Variants in PAPLN observed in about 807,000 individuals in gnomAD.
The protein encoded by PAPLN is papilin, proteoglycan like sulfated glycoprotein, also known as papilin.
Under a neutral mutation model 159.0 loss-of-function variants are expected in PAPLN, and 146 were observed. The observed-to-expected ratio is 0.92, with a 90% confidence interval of 0.80 to 1.05. The LOEUF (loss-of-function observed/expected upper bound fraction) is 1.05, where lower values mean the gene tolerates loss of function less well. Ranked by LOEUF, PAPLN falls within the 50% of genes least tolerant of loss-of-function variation. The pLI is 0.00. For synonymous variants in PAPLN, 734 were observed against 702.9 expected, an observed-to-expected ratio of 1.04 and a Z score of -0.70; for missense variants, 1,720 against 1,743.9, an observed-to-expected ratio of 0.99 and a Z score of 0.24.
chr14:73,265,227 A>C lies in PAPLN; in HGVS notation c.3126-143A>C. Reference sequence around the variant, plus strand: ...CCCAGGTAGTTATTGACCATTTCCTAACCAGAACAAGGCAGGGGATTTTAG... The same window carrying C: ...CCCAGGTAGTTATTGACCATTTCCTCACCAGAACAAGGCAGGGGATTTTAG... On this transcript the variant is annotated intron_variant, in intron 22 of 26. Transcript: ENST00000644200. The surrounding 1 kb of genome is among the most constrained non-coding windows in gnomAD (Gnocchi z 4.1). 1.5e-6 allele frequency: 2 copies of C among 1,347,166 alleles called. No individual in the cohort carries two copies. Among genetic ancestry groups the C allele is most frequent in the Non-Finnish European group, 2.0e-6 (2 of 1,005,090 alleles). The allele number at this position is 1,347,166 out of a possible 1,614,324, so 83.5% of individuals were successfully genotyped here. A position where few individuals can be genotyped will look rare whatever the true frequency, so the allele number is the denominator to read the frequency against.
At chr14:73,271,424 C>G (rs1887707374) in intron 26 of PAPLN, among the ~76,000 whole-genome samples, 2 of 151,944 alleles carry the variant, frequency 1.3e-5, no homozygotes, top group African/African-American at 4.8e-5. Flanking sequence ...GGTCTGACTT[C>G]AGGGAAGGTA....
intron 20 of PAPLN, 172 bp downstream of exon 20, chr14:73,263,954 G>GC (rs1159296779): frequency 2.9e-6 from 4 of 1,400,676 alleles, no homozygotes; most frequent in Middle Eastern, 1.8e-4. Context: ...GTGTGTGACG[G>GC]CCCCCCGACC....
Position 73,265,619 on chromosome 14 carries a change from C to T in PAPLN, c.3263+112C>T, listed in dbSNP as rs569183499. 39 of 1,466,120 alleles carry T rather than the reference C, an allele frequency of 2.7e-5. No individual in the cohort carries two copies. In the Middle Eastern group the frequency reaches 5.7e-4, roughly 22 times the overall value. 90.8% of individuals were successfully genotyped at this position (1,466,120 alleles called of 1,614,324 possible). A position where few individuals can be genotyped will look rare whatever the true frequency, so the allele number is the denominator to read the frequency against. On this transcript the variant is annotated intron_variant, in intron 23 of 26. Coordinates refer to ENST00000644200, the MANE Select transcript of PAPLN (RefSeq NM_001365906.3). This position sits in a 1 kb window ranked among gnomAD's most constrained non-coding sequence, Gnocchi z 4.1. ...CGCATGGTCATGGCCAGTCCTGAGC[C>T]GGACTCCAGGGCCTCTTGAGAGATG...
In PAPLN at chr14:73,265,343, T is replaced by A; in HGVS notation, c.3126-27T>A. 1.9e-6 allele frequency: 3 copies of A among 1,602,206 alleles called. No homozygotes were observed. The highest frequency in any genetic ancestry group is 2.5e-6 in the Non-Finnish European group (3 of 1,177,408). On this transcript the variant is annotated intron_variant, in intron 22 of 26. Coordinates refer to ENST00000644200, the MANE Select transcript of PAPLN (RefSeq NM_001365906.3). The surrounding 1 kb of genome is among the most constrained non-coding windows in gnomAD (Gnocchi z 4.1). ...AGGCGGGGGCAACGGCAAGGGCCCC[T>A]CATGCTGTGGGCTGCTTGTTTGGCA...
intron 26 of PAPLN, 114 bp downstream of exon 26, chr14:73,268,837 C>T (rs1488387352): frequency 2.1e-5 from 27 of 1,282,448 alleles, no homozygotes; most frequent in Non-Finnish European, 2.7e-5. Flanking sequence ...GCTCACCCTG[C>T]CAGTTGCTGG....
At chr14:73,248,249 A>ATGTGTGTGTGTG (rs376447361) in intron 5 of PAPLN, among the ~76,000 whole-genome samples, 31 of 76,936 alleles carry the variant, frequency 4.0e-4, no homozygotes, top group African/African-American at 1.6e-3. Flanking sequence ...CATATCCTCT[A>ATGTGTGTGTGTG]TGTGTGTGTG....
Position 73,253,951 on chromosome 14 carries a change from C to T in PAPLN, c.1292C>T (p.Pro431Leu), listed in dbSNP as rs749340288. 28 of 1,610,766 alleles carry T rather than the reference C, an allele frequency of 1.7e-5. No homozygotes were observed. The highest frequency in any genetic ancestry group is 2.2e-5 in the Non-Finnish European group (26 of 1,179,416). The change falls in exon 12 of 27, where the codon CCC becomes CTC. Residue 431 changes from proline (P) to leucine (L), a missense_variant. By Grantham distance (98) the Pro-to-Leu change is moderately conservative (BLOSUM62 -3). Coordinates refer to ENST00000644200, the MANE Select transcript of PAPLN (RefSeq NM_001365906.3). ...LQRCAAWSPE[P>L]WGECSVSCGV... is the part of the protein sequence containing the mutation. ...CGCTGTGCAGCCTGGAGCCCGGAGCCCTGGGGAGAGGTCAGGCCCCTGGCC... is the reference window on the plus strand; with the variant it reads ...CGCTGTGCAGCCTGGAGCCCGGAGCTCTGGGGAGAGGTCAGGCCCCTGGCC...
chr14:73,246,184 G>A lies in PAPLN; in HGVS notation c.334+9G>A, dbSNP rs1208824880. 8 of 1,567,414 alleles carry A rather than the reference G, an allele frequency of 5.1e-6. No individual in the cohort carries two copies. The Admixed American group carries it at 7.7e-5, about 15-fold the overall frequency. On this transcript the variant is annotated intron_variant, in intron 5 of 26. Coordinates refer to ENST00000644200, the MANE Select transcript of PAPLN (RefSeq NM_001365906.3). ...GCTGCCCTACTACAGCGGTGAGCGC[G>A]GCCGGGACTCGCTCTCTCGGGGCCT...
intron 1 of PAPLN, chr14:73,239,494 G>A: frequency 2.2e-6 from 1 of 452,802 alleles, no homozygotes; most frequent in South Asian, 4.2e-5. Flanking sequence ...ATTTTTAATT[G>A]CTCTCTCTTT....
rs1408437043 is a variant in PAPLN at position 73,264,270 on chromosome 14, G to A, written c.2921G>A (p.Gly974Asp). The part of the protein sequence containing the change: ...IIHPLQAEDA[G>D]TYSCGSTRPG... ...CACCCCCTGCAGGCAGAGGACGCGGGCACCTACAGCTGTGGCAGCACCCGG... is the reference window on the plus strand; with the variant it reads ...CACCCCCTGCAGGCAGAGGACGCGGACACCTACAGCTGTGGCAGCACCCGG... The change falls in exon 21 of 27, where the codon GGC becomes GAC. Residue 974 changes from glycine (G) to aspartate (D), a missense_variant. Transcript: ENST00000644200. The A allele has an allele frequency of 8.7e-6, 14 of 1,613,942 alleles. No individual in the cohort carries two copies. Among genetic ancestry groups the A allele is most frequent in the Non-Finnish European group, 1.2e-5 (14 of 1,180,004 alleles).
At position 73,262,570 on chromosome 14, in the gene PAPLN, C is replaced by T; in HGVS notation, c.2466C>T (p.Ser822=). The T allele has an allele frequency of 6.4e-7, 1 of 1,566,044 alleles. No individual in the cohort carries two copies. The change falls in exon 19 of 27, where the codon AGC becomes AGT. Residue 822 remains serine, a synonymous_variant. Coordinates refer to ENST00000644200, the MANE Select transcript of PAPLN (RefSeq NM_001365906.3). The stretch of plus-strand genomic sequence containing the variant: ...CCCAGCCTGGGGCTTCTGGAAGGAG[C>T]ACCCACACGGATGGTGGCGGCAGCA... ...RRPQPGASGR[S]THTDGGGSSP...
intron 1 of PAPLN, among the ~76,000 whole-genome samples, chr14:73,238,130 G>A (rs947845563): frequency 1.3e-5 from 2 of 152,214 alleles, no homozygotes; most frequent in Non-Finnish European, 2.9e-5. Context: ...GTGGGCGGGG[G>A]CCACGGGGAC....
Position 73,245,825 on chromosome 14 carries a change from C to T in PAPLN, c.231+129C>T, listed in dbSNP as rs2140195507. 1.6e-6 allele frequency: 2 copies of T among 1,236,172 alleles called. No individual in the cohort carries two copies. The highest frequency in any genetic ancestry group is 1.5e-5 in the African/African-American group (1 of 66,794). 76.6% of individuals were successfully genotyped at this position (1,236,172 alleles called of 1,614,324 possible). ...CCAGCCTGGGGTCCTCCCGCCAATC[C>T]ACAGCAGGGCTGCGTGGGGGCCCCT... On this transcript the variant is annotated intron_variant, in intron 4 of 26. Coordinates refer to ENST00000644200, the MANE Select transcript of PAPLN (RefSeq NM_001365906.3). This position sits in a 1 kb window ranked among gnomAD's most constrained non-coding sequence, Gnocchi z 4.2.
intron 19 of PAPLN, chr14:73,263,294 T>C (rs1015252108): frequency 7.7e-6 from 3 of 389,286 alleles, no homozygotes; most frequent in African/African-American, 2.0e-5. Flanking sequence ...AAAAACAAAA[T>C]TAAAAGCGTT....
chr14:73,273,949 T>C lies in PAPLN; in HGVS notation c.*1285T>C, dbSNP rs1366631828. ...GGAAACGCTCCTTACGTCGAGATGT[T>C]GGACCTTGAAGCCCTCCTGAGGCCA... On this transcript the variant is annotated 3_prime_UTR_variant, in exon 27 of 27. Transcript: ENST00000644200. 1 of 152,248 alleles carries C rather than the reference T, an allele frequency of 6.6e-6. No individual in the cohort carries two copies. Among genetic ancestry groups the C allele is most frequent in the Non-Finnish European group, 1.5e-5 (1 of 68,048 alleles). The allele number at this position is 152,248 out of a possible 1,614,324, so 9.4% of individuals were successfully genotyped here.
rs1884114998 is a variant in PAPLN, at chr14:73,245,441, T to C, written c.171-195T>C. ...ACTATAGGGTGGGTAGGGCTCTGAGTCCCGCTTCTCTGGAGTACCAACATG... is the reference window on the plus strand; with the variant it reads ...ACTATAGGGTGGGTAGGGCTCTGAGCCCCGCTTCTCTGGAGTACCAACATG... On this transcript the variant is annotated intron_variant, in intron 3 of 26. Transcript: ENST00000644200. This position sits in a 1 kb window ranked among gnomAD's most constrained non-coding sequence, Gnocchi z 4.2. 1.7e-6 allele frequency: 1 copy of C among 598,486 alleles called. No individual in the cohort carries two copies. Among genetic ancestry groups the C allele is most frequent in the African/African-American group, 1.9e-5 (1 of 53,434 alleles). The allele number at this position is 598,486 out of a possible 1,614,324, so 37.1% of individuals were successfully genotyped here.
In PAPLN at chr14:73,264,572, C is replaced by T. The variant is rs1887016935; in HGVS notation, c.2987-16C>T. Reference sequence around the variant, plus strand: ...TCCTCACAGCTCACACCTTGTTTCTCCTGGCCTCATGACAGGGGGTGACAT... The same window carrying T: ...TCCTCACAGCTCACACCTTGTTTCTTCTGGCCTCATGACAGGGGGTGACAT... On this transcript the variant is annotated splice_polypyrimidine_tract_variant and intron_variant, in intron 21 of 26. Coordinates refer to ENST00000644200, the MANE Select transcript of PAPLN (RefSeq NM_001365906.3). 3.8e-6 allele frequency: 6 copies of T among 1,593,478 alleles called. No homozygotes were observed. Among genetic ancestry groups the T allele is most frequent in the Admixed American group, 1.9e-5 (1 of 52,838 alleles).
chr14:73,246,045 G>A (rs1884241808), intron 4 of PAPLN, 28 bp from the exon 5 acceptor site: 1 of 1,516,702 alleles, frequency 6.6e-7, no homozygotes, highest in South Asian at 1.2e-5. Flanking sequence ...CCGCCCTCCT[G>A]GATCCCGACT....
intron 2 of PAPLN, among the ~76,000 whole-genome samples, chr14:73,240,658 C>T (rs1417334586): frequency 3.9e-5 from 6 of 152,238 alleles, no homozygotes; most frequent in African/African-American, 7.2e-5. Flanking sequence ...TATTGGACTG[C>T]GAATTAAGAC....
Sources: allele counts gnomAD v4.1 joint callset (sites outside exome capture counted in the v4.1 genomes callset), GRCh38; gene constraint gnomAD v4.1.1; non-coding constraint Gnocchi (gnomAD v3.1); transcripts MANE v1.5; gene names NCBI Gene and HGNC (gene_info 2026-07-23, HGNC 2026-07-21).